PCDHGA12: variants seen among roughly 807,000 people sequenced by gnomAD.
PCDHGA12 encodes protocadherin gamma subfamily A, 12.
A neutral mutation model predicts 61.1 loss-of-function variants in PCDHGA12; 43 were observed. The ratio of observed to expected loss-of-function variants is 0.70; its 90% CI spans 0.55 to 0.91. The LOEUF (loss-of-function observed/expected upper bound fraction) is 0.91. Among genes scored for constraint, PCDHGA12 ranks in the 40% least tolerant of loss-of-function variants. The pLI, the probability that PCDHGA12 is intolerant of heterozygous loss-of-function variation, is 0.00. For synonymous variants in PCDHGA12, 520 were observed against 542.9 expected (o/e 0.96, Z 0.59); for missense variants, 1,236 against 1,227.7 (o/e 1.01, Z -0.10).
In PCDHGA12 at chr5:141,432,413, G is replaced by A; in HGVS notation, c.1654G>A (p.Val552Met). 1.2e-6 allele frequency: 2 copies of A among 1,614,232 alleles called. No homozygotes were observed. The highest frequency in any genetic ancestry group is 2.2e-5 in the South Asian group (2 of 91,082). Reference protein sequence around the residue: ...LSSNVSLSLFVLDQNDNAPEI... With the variant: ...LSSNVSLSLFMLDQNDNAPEI... Reference sequence around the variant, plus strand: ...CAGCAACGTGTCGTTGAGCCTGTTCGTGCTGGACCAGAACGACAATGCGCC... The same window carrying A: ...CAGCAACGTGTCGTTGAGCCTGTTCATGCTGGACCAGAACGACAATGCGCC... Residue 552 changes from valine (V) to methionine (M), a missense_variant, in exon 1 of 4, where the codon GTG becomes ATG. Physicochemically the swap from Val to Met is conservative, Grantham distance 21 (BLOSUM62 1). Coordinates refer to ENST00000252085, the MANE Select transcript of PCDHGA12 (RefSeq NM_003735.3). The surrounding 1 kb of genome is among the most constrained non-coding windows in gnomAD (Gnocchi z 6.0).
chr5:141,499,414 T>C (rs543824206), intron 2 of PCDHGA12, among the ~76,000 whole-genome samples: 1 of 151,804 alleles, frequency 6.6e-6, no homozygotes, highest in Non-Finnish European at 1.5e-5. Context: ...TATAGAAACA[T>C]GAAAAATAGA....
At chr5:141,494,648 T>G in intron 1 of PCDHGA12, 159 bp from the exon 2 acceptor site, 1 of 946,506 alleles carries the variant, frequency 1.1e-6, no homozygotes, top group Non-Finnish European at 1.3e-6. Flanking sequence ...ACCTGAGGTG[T>G]ATTTTGTCTT....
intron 1 of PCDHGA12, among the ~76,000 whole-genome samples, chr5:141,463,124 T>C (rs2099053100): frequency 6.6e-6 from 1 of 152,174 alleles, no homozygotes; most frequent in African/African-American, 2.4e-5. Context: ...AATAGCTCCC[T>C]GGCAGTTCTT....
At chr5:141,436,752 A>G (rs2097844842) in intron 1 of PCDHGA12, among the ~76,000 whole-genome samples, 2 of 152,194 alleles carry the variant, frequency 1.3e-5, no homozygotes, top group South Asian at 4.1e-4. Context: ...GCTTCTCCAT[A>G]TGGTATAATG....
At chr5:141,460,977 G>A in intron 1 of PCDHGA12, among the ~76,000 whole-genome samples, 1 of 131,518 alleles carries the variant, frequency 7.6e-6, no homozygotes, top group African/African-American at 3.4e-5. Context: ...GTGTGTGTGT[G>A]TGTGTGTATA....
rs994740663 is a variant in PCDHGA12, at chr5:141,477,022, G to T, written c.2425-17785G>T. ...TATTCGCCTTAGACCTTGTAACCGG[G>T]ATGCTGACAATCAAGGGTCGGCTGG... On this transcript the variant is annotated intron_variant, in intron 1 of 3. Transcript: ENST00000252085. The surrounding 1 kb of genome is among the most constrained non-coding windows in gnomAD (Gnocchi z 4.9). 6.2e-7 allele frequency: 1 copy of T among 1,614,240 alleles called. No homozygotes were observed. Among genetic ancestry groups the T allele is most frequent in the African/African-American group, 1.3e-5 (1 of 75,074 alleles).
At chr5:141,466,983 C>A (rs2099133398) in intron 1 of PCDHGA12, among the ~76,000 whole-genome samples, 1 of 151,884 alleles carries the variant, frequency 6.6e-6, no homozygotes, top group African/African-American at 2.4e-5. Context: ...TCATCATTTA[C>A]CTTTTGGCAT....
Position 141,432,098 on chromosome 5 carries a change from G to C in PCDHGA12, c.1339G>C (p.Asp447His), listed in dbSNP as rs771050429. The C allele has an allele frequency of 1.9e-6, 3 of 1,613,938 alleles. No homozygotes were observed. The highest frequency in any genetic ancestry group is 1.7e-5 in the Admixed American group (1 of 59,992). The change falls in exon 1 of 4, where the codon GAC becomes CAC. Residue 447 changes from aspartate (D) to histidine (H), a missense_variant. Transcript: ENST00000252085. The surrounding 1 kb of genome is among the most constrained non-coding windows in gnomAD (Gnocchi z 6.0). ...HISLNVADTN[D>H]NPPVFPQASY... ...CTCGCTGAACGTGGCAGACACCAAC[G>C]ACAACCCGCCGGTCTTCCCTCAGGC...
chr5:141,451,565 C>A (rs1336048717), intron 1 of PCDHGA12, among the ~76,000 whole-genome samples: 2 of 152,062 alleles, frequency 1.3e-5, no homozygotes, highest in South Asian at 2.1e-4. Flanking sequence ...AAGCCACAAT[C>A]TTTTTATAAA....
chr5:141,449,592 A>C (rs1344646010), intron 1 of PCDHGA12, among the ~76,000 whole-genome samples: 1 of 150,266 alleles, frequency 6.7e-6, no homozygotes, highest in African/African-American at 2.4e-5. Context: ...CTGTCTCAAA[A>C]AAAAAAAAAA....
rs902915974 is a variant in PCDHGA12 at position 141,430,640 on chromosome 5, G to A, written c.-120G>A. 1.1e-6 allele frequency: 1 copy of A among 916,196 alleles called. No individual in the cohort carries two copies. Among genetic ancestry groups the A allele is most frequent in the East Asian group, 2.7e-5 (1 of 37,394 alleles). The allele number at this position is 916,196 out of a possible 1,614,324, so 56.8% of individuals were successfully genotyped here. A position where few individuals can be genotyped will look rare whatever the true frequency, so the allele number is the denominator to read the frequency against. ...AGCTAGGAATGAACCATCCCTGGGAGTATGTGGAAACAACGGAGGAGCTCT... is the reference window on the plus strand; with the variant it reads ...AGCTAGGAATGAACCATCCCTGGGAATATGTGGAAACAACGGAGGAGCTCT... On this transcript the variant is annotated 5_prime_UTR_variant, in exon 1 of 4. Coordinates refer to ENST00000252085, the MANE Select transcript of PCDHGA12 (RefSeq NM_003735.3).
At chr5:141,478,733 T>C (rs1562072874) in intron 1 of PCDHGA12, 8 of 1,537,128 alleles carry the variant, frequency 5.2e-6, no homozygotes, top group Non-Finnish European at 7.0e-6. Context: ...AGAGTGTGGT[T>C]TGTGGTCCCA....
At chr5:141,438,268 C>T (rs949472857) in intron 1 of PCDHGA12, among the ~76,000 whole-genome samples, 1 of 152,054 alleles carries the variant, frequency 6.6e-6, no homozygotes. Flanking sequence ...ACCATAGAAT[C>T]AAACAAAATA....
At chr5:141,510,158 A>G (rs1406170246) in intron 3 of PCDHGA12, among the ~76,000 whole-genome samples, 1 of 152,018 alleles carries the variant, frequency 6.6e-6, no homozygotes, top group African/African-American at 2.4e-5. Flanking sequence ...CTGTAATCTC[A>G]GCTACTCAGG....
intron 1 of PCDHGA12, among the ~76,000 whole-genome samples, chr5:141,465,443 C>T (rs979024871): frequency 6.6e-6 from 1 of 152,158 alleles, no homozygotes; most frequent in Non-Finnish European, 1.5e-5. Flanking sequence ...AATGATTACC[C>T]AAGAAAACTC....
intron 1 of PCDHGA12, among the ~76,000 whole-genome samples, chr5:141,458,890 C>A (rs369529373): frequency 2.0e-5 from 3 of 152,042 alleles, no homozygotes; most frequent in African/African-American, 7.2e-5. Flanking sequence ...GCACACCATG[C>A]GCAGCTAATT....
intron 1 of PCDHGA12, among the ~76,000 whole-genome samples, chr5:141,446,453 A>T (rs2098502702): frequency 6.6e-6 from 1 of 151,946 alleles, no homozygotes; most frequent in Non-Finnish European, 1.5e-5. Context: ...GCAGATATTC[A>T]GTGTGTGATT....
chr5:141,459,260 T>G (rs551625614), intron 1 of PCDHGA12, among the ~76,000 whole-genome samples: 1 of 152,344 alleles, frequency 6.6e-6, no homozygotes, highest in South Asian at 2.1e-4. Flanking sequence ...TAAATTAGTG[T>G]TGCCTCTTTC....
At position 141,491,369 on chromosome 5, in the gene PCDHGA12, CCTTT is replaced by C; in HGVS notation, c.2425-3435_2425-3432del. ...AGTCTCTTATCCCTAGTCACCTTCACCTTTCTGTCAGCGAAGTGCCTTCAGGGAA... is the reference window on the plus strand; with the variant it reads ...AGTCTCTTATCCCTAGTCACCTTCACCTGTCAGCGAAGTGCCTTCAGGGAA... On this transcript the variant is annotated intron_variant, in intron 1 of 3. Transcript: ENST00000252085. The surrounding 1 kb of genome is among the most constrained non-coding windows in gnomAD (Gnocchi z 6.9). 1 of 1,614,110 alleles carries C rather than the reference CCTTT, an allele frequency of 6.2e-7. No individual in the cohort carries two copies. Among genetic ancestry groups the C allele is most frequent in the Non-Finnish European group, 8.5e-7 (1 of 1,179,996 alleles).
Sources: gnomAD v4.1 joint callset for allele counts (sites outside exome capture counted in the v4.1 genomes callset) on GRCh38, gnomAD v4.1.1 for gene constraint, Gnocchi (gnomAD v3.1) non-coding constraint, MANE v1.5 for transcripts, NCBI Gene and HGNC (gene_info 2026-07-23, HGNC 2026-07-21) for gene names.